Variants in ZNF385D observed in about 807,000 individuals in gnomAD.
ZNF385D encodes the protein zinc finger protein 385D, also known as zinc finger protein 659.
ZNF385D carries 15 observed loss-of-function variants against 35.8 expected under a neutral mutation model. The observed-to-expected ratio is 0.42, with a 90% CI of 0.28 to 0.64. ZNF385D has a LOEUF of 0.64. Ranked by LOEUF, ZNF385D falls within the 30% of genes least tolerant of loss-of-function variation. ZNF385D has a pLI of 0.23. For synonymous variants in ZNF385D, 212 were observed against 186.8 expected, an observed-to-expected ratio of 1.13 and a Z score of -1.10; for missense variants, 474 against 494.6, an observed-to-expected ratio of 0.96 and a Z score of 0.39.
At chr3:21,992,118 A>C (rs1457002991) in intron 3 of ZNF385D, among the ~76,000 whole-genome samples, 1 of 152,182 alleles carries the variant, frequency 6.6e-6, no homozygotes, top group Non-Finnish European at 1.5e-5. Context: ...CCCAGCAATC[A>C]GTACATTATA....
intron 2 of ZNF385D, among the ~76,000 whole-genome samples, chr3:22,201,277 C>A (rs1358279783): frequency 6.6e-6 from 1 of 152,076 alleles, no homozygotes; most frequent in South Asian, 2.1e-4. Flanking sequence ...TTTGGGGTCC[C>A]TGACATCCCG....
chr3:21,944,324 A>G (rs1404868908), intron 3 of ZNF385D, among the ~76,000 whole-genome samples: 1 of 152,200 alleles, frequency 6.6e-6, no homozygotes, highest in Non-Finnish European at 1.5e-5. Flanking sequence ...GGCTGTTAGG[A>G]TCACACTGAG....
chr3:22,349,173 C>G (rs1695802242), intron 2 of ZNF385D, among the ~76,000 whole-genome samples: 1 of 152,138 alleles, frequency 6.6e-6, no homozygotes, highest in Non-Finnish European at 1.5e-5. Context: ...GTGCCTGGAA[C>G]AGTACCTGGC....
chr3:21,837,870 C>CAAAAA lies in ZNF385D; in HGVS notation c.326-172847_326-172843dup, dbSNP rs57424579. Among the ~76,000 whole-genome samples the CAAAAA allele has an allele frequency of 5.2e-3, 722 of 138,914 alleles. 10 individuals are homozygous for CAAAAA. The highest frequency in any genetic ancestry group is 0.011 in the East Asian group (53 of 4,660). The allele number at this position is 138,914 out of a possible 152,430, so 91.1% of individuals were successfully genotyped here. On this transcript the variant is annotated intron_variant, in intron 3 of 5. Coordinates refer to the ZNF385D transcript ENST00000494108. ...CTGGTAACAGTGTGAGACTCCATCT[C>CAAAAA]AAAAAAAAAAAAAAAATTGGAGAAA...
intron 3 of ZNF385D, among the ~76,000 whole-genome samples, chr3:21,974,078 T>G (rs993345784): frequency 2.0e-5 from 3 of 151,998 alleles, no homozygotes; most frequent in Non-Finnish European, 4.4e-5. Context: ...AATCCTAAAA[T>G]GTATATGGAA....
At chr3:22,247,603 AC>A (rs1271819371) in intron 2 of ZNF385D, among the ~76,000 whole-genome samples, 1 of 147,988 alleles carries the variant, frequency 6.8e-6, no homozygotes, top group African/African-American at 2.6e-5. Flanking sequence ...TTATATACCA[AC>A]CATTTTACAA....
At chr3:21,793,623 G>C (rs2072020406) in intron 3 of ZNF385D, among the ~76,000 whole-genome samples, 1 of 152,234 alleles carries the variant, frequency 6.6e-6, no homozygotes, top group Non-Finnish European at 1.5e-5. Flanking sequence ...GGCCTGCAGA[G>C]CCTACAGGAC....
intron 2 of ZNF385D, among the ~76,000 whole-genome samples, chr3:22,222,229 A>G (rs1698300310): frequency 6.6e-6 from 1 of 152,022 alleles, no homozygotes; most frequent in African/African-American, 2.4e-5. Context: ...TTGGCCTCTC[A>G]AAGTGCTGGG....
intron 3 of ZNF385D, among the ~76,000 whole-genome samples, chr3:21,976,230 G>C (rs550298497): frequency 6.6e-6 from 1 of 152,192 alleles, no homozygotes; most frequent in South Asian, 2.1e-4. Context: ...CAGAAGACTG[G>C]TAATGACAAC....
intron 3 of ZNF385D, among the ~76,000 whole-genome samples, chr3:21,979,324 A>G (rs1351218717): frequency 6.6e-6 from 1 of 152,234 alleles, no homozygotes; most frequent in Non-Finnish European, 1.5e-5. Context: ...ACTATTAATC[A>G]TAACCATATA....
intron 2 of ZNF385D, among the ~76,000 whole-genome samples, chr3:22,365,245 A>T (rs1045456030): frequency 1.1e-4 from 16 of 152,076 alleles, no homozygotes; most frequent in African/African-American, 3.1e-4. Context: ...TACATTTCAT[A>T]TTATATATAT....
intron 3 of ZNF385D, among the ~76,000 whole-genome samples, chr3:21,980,780 T>C (rs574897470): frequency 1.3e-5 from 2 of 152,284 alleles, no homozygotes; most frequent in South Asian, 2.1e-4. Context: ...TAAGTTCTTA[T>C]CATTTGGCTC....
rs186623952 is a variant in ZNF385D at position 22,148,951 on chromosome 3, G to A, written c.325+19866C>T. Among the ~76,000 whole-genome samples, 4 of 152,218 alleles carry A rather than the reference G, an allele frequency of 2.6e-5. No individual in the cohort carries two copies. In the East Asian group the frequency reaches 7.7e-4, roughly 29 times the overall value. On this transcript the variant is annotated intron_variant, in intron 3 of 5. Coordinates refer to the ZNF385D transcript ENST00000494108. ...CACCCACCTTCTATCCTATGATTTTGCTATGAATACTCAAACTTCTATCTA... is the reference window on the plus strand; with the variant it reads ...CACCCACCTTCTATCCTATGATTTTACTATGAATACTCAAACTTCTATCTA...
intron 3 of ZNF385D, among the ~76,000 whole-genome samples, chr3:21,877,535 A>G (rs1003733420): frequency 2.0e-5 from 3 of 152,132 alleles, no homozygotes; most frequent in African/African-American, 7.2e-5. Flanking sequence ...AAGGCACAAT[A>G]GACGACTGGT....
chr3:22,253,427 A>C (rs769546660), intron 2 of ZNF385D, among the ~76,000 whole-genome samples: 9 of 152,034 alleles, frequency 5.9e-5, no homozygotes, highest in African/African-American at 2.2e-4. Flanking sequence ...CAGTAATTGT[A>C]AATTATAAAA....
At chr3:21,663,038 G>T (rs929226576) in intron 2 of ZNF385D, among the ~76,000 whole-genome samples, 1 of 152,038 alleles carries the variant, frequency 6.6e-6, no homozygotes, top group African/African-American at 2.4e-5. Context: ...AGGTCTTATC[G>T]ATGGTAACAG....
intron 2 of ZNF385D, among the ~76,000 whole-genome samples, chr3:22,359,100 CA>C (rs144020479): frequency 1.4e-5 from 2 of 147,098 alleles, no homozygotes; most frequent in African/African-American, 2.5e-5. Context: ...AAACAAGAAA[CA>C]AAAAAAACAC....
chr3:21,424,153 C>T, intron 6 of ZNF385D, 89 bp from the exon 7 acceptor site: 1 of 1,174,510 alleles, frequency 8.5e-7, no homozygotes, highest in East Asian at 2.7e-5. Flanking sequence ...GAAAGATATT[C>T]ATTATTTCAT....
chr3:22,188,084 C>T (rs1352857179), intron 2 of ZNF385D, among the ~76,000 whole-genome samples: 8 of 152,048 alleles, frequency 5.3e-5, no homozygotes, highest in East Asian at 1.9e-4. Flanking sequence ...ACAGGAATCA[C>T]GGAGGAAAGA....
Sources: allele counts gnomAD v4.1 joint callset (sites outside exome capture counted in the v4.1 genomes callset), GRCh38; gene constraint gnomAD v4.1.1; transcripts MANE v1.5; gene names NCBI Gene and HGNC (gene_info 2026-07-23, HGNC 2026-07-21).